B3GALNT2: variants seen among roughly 807,000 people sequenced by gnomAD.
B3GALNT2 encodes UDP-GalNAc:beta-1,3-N-acetylgalactosaminyltransferase 2.
B3GALNT2 carries 53 observed loss-of-function variants against 61.1 expected under a neutral mutation model. The ratio of observed to expected loss-of-function variants is 0.87; its 90% confidence interval spans 0.70 to 1.09. The LOEUF (loss-of-function observed/expected upper bound fraction) is 1.09, where lower values mean the gene tolerates loss of function less well. B3GALNT2 is among the 50% of genes least tolerant of loss of function. B3GALNT2 has a pLI of 0.00. For missense variants in B3GALNT2, 544 were observed against 623.0 expected, an observed-to-expected ratio of 0.87 and a Z score of 1.35; for synonymous variants, 223 against 237.4, an observed-to-expected ratio of 0.94 and a Z score of 0.56.
chr1:235,482,096 C>G (rs1416172033), intron 4 of B3GALNT2, among the ~76,000 whole-genome samples: 1 of 152,160 alleles, frequency 6.6e-6, no homozygotes, highest in African/African-American at 2.4e-5. Flanking sequence ...CCAGTAATAT[C>G]AGACCAATTC....
At chr1:235,458,510 G>C in intron 8 of B3GALNT2, 93 bp downstream of exon 8, 1 of 1,461,334 alleles carries the variant, frequency 6.8e-7, no homozygotes, top group Non-Finnish European at 9.0e-7. Flanking sequence ...CCCCTAGTAA[G>C]GGGTTTCCTT....
chr1:235,492,492 T>C (rs1246408022), intron 2 of B3GALNT2, among the ~76,000 whole-genome samples: 1 of 152,232 alleles, frequency 6.6e-6, no homozygotes, highest in East Asian at 1.9e-4. Context: ...GAATATAAAC[T>C]ATATTCATTA....
Position 235,448,427 on chromosome 1 carries a change from A to T in B3GALNT2, c.*1779T>A. 6.2e-7 allele frequency: 1 copy of T among 1,614,094 alleles called. No individual in the cohort carries two copies. Among genetic ancestry groups the T allele is most frequent in the East Asian group, 2.2e-5 (1 of 44,874 alleles). ...CCTGTGTCAGACCTTCTGTTGTCCT[A>T]TGAAAGTCCCAAAGTAAGTTGCCCA... is the stretch of plus-strand genomic sequence containing the variant. On this transcript the variant is annotated 3_prime_UTR_variant, in exon 12 of 12. Coordinates refer to ENST00000366600, the MANE Select transcript of B3GALNT2 (RefSeq NM_152490.5).
intron 5 of B3GALNT2, among the ~76,000 whole-genome samples, chr1:235,473,458 T>C (rs1684100003): frequency 6.6e-6 from 1 of 152,206 alleles, no homozygotes. Flanking sequence ...CTCATGATTC[T>C]GGTTTAGGTG....
intron 2 of B3GALNT2, 76 bp from the exon 3 acceptor site, chr1:235,489,344 G>C: frequency 6.3e-7 from 1 of 1,576,954 alleles, no homozygotes. Context: ...GCCCATTTCA[G>C]AGCTTTTACT....
chr1:235,497,419 AT>A (rs947198643), intron 1 of B3GALNT2, among the ~76,000 whole-genome samples: 4 of 152,226 alleles, frequency 2.6e-5, no homozygotes, highest in Admixed American at 6.5e-5. Context: ...AATTTTGGAT[AT>A]TCTATTTCAT....
intron 2 of B3GALNT2, 85 bp from the exon 3 acceptor site, chr1:235,489,353 C>CT: frequency 6.4e-7 from 1 of 1,563,978 alleles, no homozygotes; most frequent in South Asian, 1.2e-5. Context: ...AGAGCTTTTA[C>CT]TTTGAGACAC....
Position 235,454,719 on chromosome 1 carries a change from C to T in B3GALNT2, c.1152-404G>A, listed in dbSNP as rs751084618. 2.6e-5 allele frequency among the ~76,000 whole-genome samples: 4 copies of T among 152,230 alleles called. No individual in the cohort carries two copies. The East Asian group carries it at 7.7e-4, about 29-fold the overall frequency. On this transcript the variant is annotated intron_variant, in intron 9 of 11. Transcript: ENST00000366600. Reference sequence around the variant, plus strand: ...CCTCCCAAAGTGCTGGGATTACAGGCGTGAGCCACTGCCCTTCCAGAAAAA... The same window carrying T: ...CCTCCCAAAGTGCTGGGATTACAGGTGTGAGCCACTGCCCTTCCAGAAAAA...
intron 5 of B3GALNT2, among the ~76,000 whole-genome samples, chr1:235,472,072 C>T (rs1305833472): frequency 6.6e-6 from 1 of 151,900 alleles, no homozygotes; most frequent in African/African-American, 2.4e-5. Flanking sequence ...GCTGCTTTGC[C>T]ATCTGCCCTC....
At chr1:235,474,617 C>A (rs1377416246) in intron 5 of B3GALNT2, among the ~76,000 whole-genome samples, 2 of 151,974 alleles carry the variant, frequency 1.3e-5, no homozygotes, top group African/African-American at 4.8e-5. Context: ...GTCAGGAGTT[C>A]AAAACCAGCC....
chr1:235,480,933 A>C (rs997220614), intron 4 of B3GALNT2, among the ~76,000 whole-genome samples: 7 of 148,832 alleles, frequency 4.7e-5, no homozygotes, highest in South Asian at 2.1e-4. Flanking sequence ...AAAAAAAAAA[A>C]AAAAAAAAAA....
chr1:235,483,468 G>C (rs1684650921), intron 4 of B3GALNT2, among the ~76,000 whole-genome samples: 1 of 152,160 alleles, frequency 6.6e-6, no homozygotes. Flanking sequence ...GCCTGGTGCG[G>C]TGCCTCACGC....
chr1:235,468,951 AC>A (rs1052653065), intron 6 of B3GALNT2, among the ~76,000 whole-genome samples: 3 of 152,150 alleles, frequency 2.0e-5, no homozygotes, highest in African/African-American at 7.2e-5. Context: ...TAAAGTAAAC[AC>A]CATCTTTATT....
At chr1:235,484,223 A>C in intron 4 of B3GALNT2, 99 bp downstream of exon 4, 1 of 1,454,218 alleles carries the variant, frequency 6.9e-7, no homozygotes, top group Non-Finnish European at 9.0e-7. Context: ...ACCAGAGAGA[A>C]TTATATAGTC....
At position 235,504,213 on chromosome 1, in the gene B3GALNT2, C is replaced by G. The variant is rs1030593159; in HGVS notation, c.40G>C (p.Gly14Arg). Residue 14 changes from glycine (G) to arginine (R), a missense_variant, in exon 1 of 12, where the codon GGG becomes CGG. Coordinates refer to ENST00000366600, the MANE Select transcript of B3GALNT2 (RefSeq NM_152490.5). ...CGCAGCCAGAGGTGCAGCGCGGCCC[C>G]GAGCACACACGGGCACAGCAGCACC... is the stretch of plus-strand genomic sequence containing the variant. ...WLVLLCPCVL[G>R]AALHLWLRLR... The G allele has an allele frequency of 1.4e-6, 2 of 1,461,390 alleles. No homozygotes were observed. Among genetic ancestry groups the G allele is most frequent in the South Asian group, 1.3e-5 (1 of 76,790 alleles). 90.5% of individuals were successfully genotyped at this position (1,461,390 alleles called of 1,614,324 possible). A position where few individuals can be genotyped will look rare whatever the true frequency, so the allele number is the denominator to read the frequency against.
intron 5 of B3GALNT2, among the ~76,000 whole-genome samples, chr1:235,474,987 A>ATATTTTTTTTTT (rs1180244284): frequency 8.4e-5 from 3 of 35,572 alleles, no homozygotes; most frequent in Non-Finnish European, 1.5e-4. Flanking sequence ...ATATATATAT[A>ATATTTTTTTTTT]TTTTTTTTTT....
intron 4 of B3GALNT2, among the ~76,000 whole-genome samples, chr1:235,483,706 G>C (rs542404100): frequency 2.6e-5 from 4 of 152,272 alleles, no homozygotes; most frequent in African/African-American, 9.6e-5. Flanking sequence ...AATTGTTGTA[G>C]AATGTAGTTA....
intron 6 of B3GALNT2, 133 bp from the exon 7 acceptor site, chr1:235,465,847 G>A: frequency 2.0e-6 from 2 of 981,568 alleles, no homozygotes; most frequent in Non-Finnish European, 3.0e-6. Context: ...CTGGTGCACT[G>A]GAGGCTTATA....
At chr1:235,472,957 G>A (rs1046739531) in intron 5 of B3GALNT2, among the ~76,000 whole-genome samples, 3 of 152,110 alleles carry the variant, frequency 2.0e-5, no homozygotes, top group Non-Finnish European at 4.4e-5. Flanking sequence ...AGCCCAGGCT[G>A]GAGTGCAGTG....
Sources: allele counts gnomAD v4.1 joint callset (sites outside exome capture counted in the v4.1 genomes callset), GRCh38; gene constraint gnomAD v4.1.1; transcripts MANE v1.5; gene names NCBI Gene and HGNC (gene_info 2026-07-23, HGNC 2026-07-21).